Variants in HTR1F observed in about 807,000 individuals in gnomAD.
HTR1F encodes 5-hydroxytryptamine receptor 1F, also known as 5-hydroxytryptamine (serotonin) receptor 1F, G protein-coupled.
HTR1F carries 17 observed loss-of-function variants against 24.0 expected under a neutral mutation model. The observed-to-expected ratio is 0.71, with a 90% confidence interval of 0.48 to 1.06. The LOEUF is 1.06. Ranked by LOEUF, HTR1F falls within the 50% of genes least tolerant of loss-of-function variation. The pLI, the probability that HTR1F is intolerant of heterozygous loss-of-function variation, is 0.00. For synonymous variants in HTR1F, 186 were observed against 156.8 expected, an observed-to-expected ratio of 1.19 and a Z score of -1.39; for missense variants, 391 against 427.8, an observed-to-expected ratio of 0.91 and a Z score of 0.76.
At chr3:87,935,738 ATTTAACATCTCTG>A (rs1326149860) in intron 2 of HTR1F, among the ~76,000 whole-genome samples, 1 of 152,206 alleles carries the variant, frequency 6.6e-6, no homozygotes, top group African/African-American at 2.4e-5. Context: ...GAGAGGTTTT[ATTTAACATCTCTG>A]TGTTAGAAGT....
rs1559662945 is a variant in HTR1F, at chr3:87,991,779, C to A, written c.1030C>A (p.Pro344Thr). 2.5e-6 allele frequency: 4 copies of A among 1,611,844 alleles called. No individual in the cohort carries two copies. Among genetic ancestry groups the A allele is most frequent in the Non-Finnish European group, 2.5e-6 (3 of 1,178,992 alleles). ...WLGYLNSLIN[P>T]LIYTIFNEDF... The stretch of plus-strand genomic sequence containing the variant: ...TGGGTATCTCAATTCCCTTATAAAT[C>A]CACTGATTTACACAATCTTTAATGA... The change falls in exon 3 of 3, where the codon CCA (proline) becomes ACA (threonine). Residue 344 changes from proline to threonine, a missense_variant. Transcript: ENST00000319595.
intron 2 of HTR1F, among the ~76,000 whole-genome samples, chr3:87,948,724 G>T (rs1704768651): frequency 1.3e-5 from 2 of 152,068 alleles, no homozygotes; most frequent in Admixed American, 1.3e-4. Flanking sequence ...CAAGTGATTT[G>T]CCCACCTTGG....
chr3:87,954,760 A>C (rs1704908556), intron 2 of HTR1F, among the ~76,000 whole-genome samples: 1 of 151,676 alleles, frequency 6.6e-6, no homozygotes, highest in Non-Finnish European at 1.5e-5. Context: ...CAGGTGGAAT[A>C]ATGGAAGTAA....
At chr3:87,910,278 C>T (rs1364891799) in intron 2 of HTR1F, 3 of 152,032 alleles carry the variant, frequency 2.0e-5, no homozygotes, top group South Asian at 2.1e-4. Context: ...AAGAGGCCCT[C>T]GGGCATGACA....
chr3:87,925,585 A>G (rs1346307085), intron 2 of HTR1F, among the ~76,000 whole-genome samples: 1 of 152,186 alleles, frequency 6.6e-6, no homozygotes, highest in Non-Finnish European at 1.5e-5. Context: ...ACAATGCCCC[A>G]TAACAGTGTC....
At chr3:87,876,320 C>T (rs1262332928) in intron 2 of HTR1F, among the ~76,000 whole-genome samples, 1 of 152,084 alleles carries the variant, frequency 6.6e-6, no homozygotes, top group African/African-American at 2.4e-5. Context: ...ATCATTGCAG[C>T]ATTATTCACA....
At chr3:87,809,099 CTTAA>C (rs1704119823) in intron 1 of HTR1F, among the ~76,000 whole-genome samples, 1 of 151,634 alleles carries the variant, frequency 6.6e-6, no homozygotes, top group South Asian at 2.1e-4. Context: ...ATTTAATTTA[CTTAA>C]TTCTTATATG....
intron 2 of HTR1F, among the ~76,000 whole-genome samples, chr3:87,847,109 A>T (rs1398762694): frequency 2.0e-5 from 3 of 151,860 alleles, no homozygotes. Flanking sequence ...TGATCATTCA[A>T]CATATAAAAA....
intron 1 of HTR1F, among the ~76,000 whole-genome samples, chr3:87,802,066 CT>C (rs1703998770): frequency 1.3e-5 from 1 of 79,330 alleles, no homozygotes; most frequent in African/African-American, 5.6e-5. Context: ...CCTTTTCTTT[CT>C]TTCCCTCCCT....
intron 2 of HTR1F, among the ~76,000 whole-genome samples, chr3:87,864,019 T>C (rs2107235841): frequency 6.6e-6 from 1 of 152,314 alleles, no homozygotes; most frequent in Non-Finnish European, 1.5e-5. Flanking sequence ...TCTTCAAAGC[T>C]AACAATGGCT....
At position 87,824,956 on chromosome 3, in the gene HTR1F, C is replaced by T. The variant is rs181955398; in HGVS notation, c.-43+2832C>T. ...TCTAGCTTCTGAATTTTTACACTGA[C>T]GAACAGATTTTGTGTCTTTCTTCCC... On this transcript the variant is annotated intron_variant, in intron 2 of 2. Transcript: ENST00000319595. 3.5e-3 allele frequency among the ~76,000 whole-genome samples: 532 copies of T among 152,228 alleles called. 3 individuals carry two copies. In the South Asian group the frequency reaches 0.04, roughly 11 times the overall value.
chr3:87,852,648 A>C (rs1323132398), intron 2 of HTR1F, among the ~76,000 whole-genome samples: 1 of 151,648 alleles, frequency 6.6e-6, no homozygotes, highest in Non-Finnish European at 1.5e-5. Flanking sequence ...GGTTTGTTAC[A>C]TATGTATACA....
chr3:87,800,362 C>T (rs950360472), intron 1 of HTR1F, among the ~76,000 whole-genome samples: 1 of 152,176 alleles, frequency 6.6e-6, no homozygotes, highest in African/African-American at 2.4e-5. Context: ...CATAGGTTTT[C>T]CTTTCTTCTC....
At chr3:87,925,632 C>T (rs1252226404) in intron 2 of HTR1F, among the ~76,000 whole-genome samples, 1 of 152,128 alleles carries the variant, frequency 6.6e-6, no homozygotes, top group African/African-American at 2.4e-5. Context: ...TAGTAGTTTG[C>T]ATCTTGGAGA....
intron 2 of HTR1F, among the ~76,000 whole-genome samples, chr3:87,856,543 T>A (rs1442660374): frequency 6.6e-6 from 1 of 152,140 alleles, no homozygotes; most frequent in Non-Finnish European, 1.5e-5. Context: ...CTTACTTGTC[T>A]TGTGTAATAT....
intron 2 of HTR1F, among the ~76,000 whole-genome samples, chr3:87,933,011 A>G (rs2107413420): frequency 1.3e-5 from 2 of 148,792 alleles, no homozygotes; most frequent in Non-Finnish European, 3.0e-5. Flanking sequence ...CACCATGATC[A>G]AGTGGGCTTC....
chr3:87,934,381 A>G (rs1704361119), intron 2 of HTR1F, among the ~76,000 whole-genome samples: 1 of 152,144 alleles, frequency 6.6e-6, no homozygotes, highest in Non-Finnish European at 1.5e-5. Flanking sequence ...GTCCATATCT[A>G]TGACTCTCCA....
At chr3:87,919,078 C>G (rs979665557) in intron 2 of HTR1F, among the ~76,000 whole-genome samples, 1 of 151,976 alleles carries the variant, frequency 6.6e-6, no homozygotes, top group South Asian at 2.1e-4. Context: ...CAAATGCTTA[C>G]AGCCAACTGA....
intron 2 of HTR1F, among the ~76,000 whole-genome samples, chr3:87,878,560 T>A (rs1469233227): frequency 2.6e-5 from 4 of 152,156 alleles, no homozygotes; most frequent in African/African-American, 7.2e-5. Context: ...TTTCAAAAAA[T>A]GCCCATCGTA....
Sources: gnomAD v4.1 joint callset for allele counts (sites outside exome capture counted in the v4.1 genomes callset) on GRCh38, gnomAD v4.1.1 for gene constraint, MANE v1.5 for transcripts, NCBI Gene and HGNC (gene_info 2026-07-23, HGNC 2026-07-21) for gene names.